Variants in TMEM266 observed in about 807,000 individuals in gnomAD.
The protein encoded by TMEM266 is transmembrane protein 266.
In TMEM266, 33 loss-of-function variants were observed where a neutral mutation model predicts 50.5. That is an observed-to-expected ratio of 0.65 (90% CI 0.50 to 0.87). The LOEUF (loss-of-function observed/expected upper bound fraction) is 0.87. Among genes scored for constraint, TMEM266 ranks in the 40% least tolerant of loss-of-function variants. The pLI is 0.00. For synonymous variants in TMEM266, 310 were observed against 292.3 expected (o/e 1.06, Z -0.62); for missense variants, 655 against 695.1 (o/e 0.94, Z 0.65).
At chr15:76,079,171 G>C (rs961381075) in intron 1 of TMEM266, among the ~76,000 whole-genome samples, 1 of 152,088 alleles carries the variant, frequency 6.6e-6, no homozygotes, top group Non-Finnish European at 1.5e-5. Context: ...TGGCCAACAT[G>C]GTAAAAACCC....
chr15:76,142,470 G>T (rs956892704), intron 3 of TMEM266, among the ~76,000 whole-genome samples: 2 of 152,180 alleles, frequency 1.3e-5, no homozygotes, highest in Admixed American at 6.5e-5. Context: ...GGCTGACAGG[G>T]TAATTCTATT....
Position 76,192,155 on chromosome 15 carries a change from A to T in TMEM266, c.956A>T (p.Gln319Leu). The T allele has an allele frequency of 2.1e-6, 3 of 1,398,846 alleles. No individual in the cohort carries two copies. The highest frequency in any genetic ancestry group is 2.8e-6 in the Non-Finnish European group (3 of 1,080,148). 86.7% of individuals were successfully genotyped at this position (1,398,846 alleles called of 1,614,324 possible). A position where few individuals can be genotyped will look rare whatever the true frequency, so the allele number is the denominator to read the frequency against. Residue 319 changes from glutamine (Q) to leucine (L), a missense_variant and splice_region_variant, in exon 9 of 11, where the codon CAA becomes CTA. By Grantham distance (113) the Gln-to-Leu change is moderately radical. Transcript: ENST00000388942. Reference sequence around the variant, plus strand: ...GTCGTGGAGGAGCTGCAGCCCTCGCAAGGTAAGCCCGGGTCTCCACCCGGC... The same window carrying T: ...GTCGTGGAGGAGCTGCAGCCCTCGCTAGGTAAGCCCGGGTCTCCACCCGGC...
chr15:76,200,712 T>C (rs1220823740), intron 9 of TMEM266, among the ~76,000 whole-genome samples: 3 of 152,046 alleles, frequency 2.0e-5, no homozygotes, highest in Non-Finnish European at 4.4e-5. Flanking sequence ...ACCCCTGGCT[T>C]CCCAGGGCAG....
intron 5 of TMEM266, among the ~76,000 whole-genome samples, chr15:76,166,706 T>G (rs961226194): frequency 6.6e-6 from 1 of 152,198 alleles, no homozygotes; most frequent in African/African-American, 2.4e-5. Flanking sequence ...GAGTGTTGTT[T>G]CTAAAGAAGC....
At chr15:76,090,202 G>A (rs1005532800) in intron 1 of TMEM266, among the ~76,000 whole-genome samples, 1 of 152,042 alleles carries the variant, frequency 6.6e-6, no homozygotes, top group Non-Finnish European at 1.5e-5. Flanking sequence ...TTGAAAGATT[G>A]GGAAGAGAGC....
At chr15:76,157,861 G>A (rs968663711) in intron 4 of TMEM266, among the ~76,000 whole-genome samples, 8 of 152,234 alleles carry the variant, frequency 5.3e-5, no homozygotes, top group African/African-American at 1.9e-4. Flanking sequence ...AGTGGCACAC[G>A]CCTGTAGTCC....
chr15:76,196,364 C>T (rs1031978056), intron 9 of TMEM266, among the ~76,000 whole-genome samples: 2 of 152,172 alleles, frequency 1.3e-5, no homozygotes, highest in Non-Finnish European at 2.9e-5. Flanking sequence ...CCAGTGCCTC[C>T]AAGGCAAAGG....
At chr15:76,200,899 A>G (rs1475793825) in intron 9 of TMEM266, among the ~76,000 whole-genome samples, 1 of 152,192 alleles carries the variant, frequency 6.6e-6, no homozygotes, top group Non-Finnish European at 1.5e-5. Context: ...AAGAGGCCAG[A>G]AAAGCTTTTA....
Position 76,153,474 on chromosome 15 carries a change from G to T in TMEM266, c.228-3130G>T, listed in dbSNP as rs2037874424. ...TAACCGCCTGAAGGTGCTTGGCTCAGATTTCAAATGACAATGACATGCCAT... is the reference window on the plus strand; with the variant it reads ...TAACCGCCTGAAGGTGCTTGGCTCATATTTCAAATGACAATGACATGCCAT... On this transcript the variant is annotated intron_variant, in intron 3 of 10. Transcript: ENST00000388942. The surrounding 1 kb of genome is among the most constrained non-coding windows in gnomAD (Gnocchi z 4.2). 6.6e-6 allele frequency among the ~76,000 whole-genome samples: 1 copy of T among 152,228 alleles called. No homozygotes were observed. Among genetic ancestry groups the T allele is most frequent in the Non-Finnish European group, 1.5e-5 (1 of 68,040 alleles).
chr15:76,138,156 A>G (rs2037620845), intron 3 of TMEM266, among the ~76,000 whole-genome samples: 1 of 134,160 alleles, frequency 7.5e-6, no homozygotes, highest in South Asian at 2.6e-4. Context: ...CGAGAGGCGG[A>G]GGTTGCAGTG....
rs113077165 is a variant in TMEM266, at chr15:76,085,447, CAG to C, written c.-97+25432_-97+25433del. On this transcript the variant is annotated intron_variant, in intron 1 of 10. Coordinates refer to ENST00000388942, the MANE Select transcript of TMEM266 (RefSeq NM_152335.3). ...TAATTGTTTTTATTTTTAGTAGAGA[CAG>C]TGGTTTTACCATGTTGGTCAGGCTG... Among the ~76,000 whole-genome samples the C allele has an allele frequency of 4.1e-3, 625 of 151,692 alleles. 8 individuals are homozygous for C. Among genetic ancestry groups the C allele is most frequent in the African/African-American group, 0.014 (591 of 41,318 alleles).
intron 9 of TMEM266, among the ~76,000 whole-genome samples, chr15:76,199,926 T>C (rs938885846): frequency 6.6e-6 from 1 of 152,168 alleles, no homozygotes; most frequent in African/African-American, 2.4e-5. Context: ...AGGGCTGTCA[T>C]GTAGACCGTG....
chr15:76,162,019 C>T (rs535022372), intron 5 of TMEM266, among the ~76,000 whole-genome samples: 1 of 152,364 alleles, frequency 6.6e-6, no homozygotes, highest in South Asian at 2.1e-4. Context: ...CCCTTCCTGT[C>T]ACTGCCGGAG....
chr15:76,066,911 G>A (rs2036433023), intron 1 of TMEM266, among the ~76,000 whole-genome samples: 1 of 152,094 alleles, frequency 6.6e-6, no homozygotes. Flanking sequence ...GGGCAGTCCT[G>A]TGCATTGTAG....
At position 76,160,276 on chromosome 15, in the gene TMEM266, C is replaced by A; in HGVS notation, c.456+108C>A. The A allele has an allele frequency of 9.0e-7, 1 of 1,111,674 alleles. No individual in the cohort carries two copies. The highest frequency in any genetic ancestry group is 1.4e-6 in the Non-Finnish European group (1 of 739,022). 68.9% of individuals were successfully genotyped at this position (1,111,674 alleles called of 1,614,324 possible). ...TTTCTAGCATCAGGTCCCCTGCTAG[C>A]CCTTGAGGCTGCTGGGAGGGAGACA... is the stretch of plus-strand genomic sequence containing the variant. On this transcript the variant is annotated intron_variant, in intron 5 of 10. Coordinates refer to ENST00000388942, the MANE Select transcript of TMEM266 (RefSeq NM_152335.3). The surrounding 1 kb of genome is among the most constrained non-coding windows in gnomAD (Gnocchi z 5.7).
chr15:76,183,262 T>A (rs905896321), intron 8 of TMEM266, among the ~76,000 whole-genome samples: 1 of 151,752 alleles, frequency 6.6e-6, no homozygotes, highest in Non-Finnish European at 1.5e-5. Context: ...ATTACAGGCA[T>A]GTGTCACCAC....
Position 76,183,989 on chromosome 15 carries a change from T to G in TMEM266, c.769-7979T>G, listed in dbSNP as rs1016319425. Among the ~76,000 whole-genome samples the G allele has an allele frequency of 6.6e-5, 10 of 152,296 alleles. No homozygotes were observed. The South Asian group carries it at 1.9e-3, about 28-fold the overall frequency. On this transcript the variant is annotated intron_variant, in intron 8 of 10. Transcript: ENST00000388942. ...CCTCTCGCTGGACCCCATTGTCCCCTGGTTTTCTGGACCCCTGAGAGAATG... is the reference window on the plus strand; with the variant it reads ...CCTCTCGCTGGACCCCATTGTCCCCGGGTTTTCTGGACCCCTGAGAGAATG...
intron 1 of TMEM266, among the ~76,000 whole-genome samples, chr15:76,070,975 C>T (rs35743198): frequency 0.21 from 31,788 of 152,190 alleles, 4,091 homozygotes; most frequent in Non-Finnish European, 0.28. Context: ...GAAGGACAGA[C>T]TCAGGAGTTT....
At chr15:76,148,154 G>C (rs947226886) in intron 3 of TMEM266, among the ~76,000 whole-genome samples, 3 of 152,216 alleles carry the variant, frequency 2.0e-5, no homozygotes, top group African/African-American at 7.2e-5. Flanking sequence ...GTTTCCTGGA[G>C]AGAGGGGAGG....
Sources: gnomAD v4.1 joint callset for allele counts (sites outside exome capture counted in the v4.1 genomes callset) on GRCh38, gnomAD v4.1.1 for gene constraint, Gnocchi (gnomAD v3.1) non-coding constraint, MANE v1.5 for transcripts, NCBI Gene and HGNC (gene_info 2026-07-23, HGNC 2026-07-21) for gene names.